RUNX1T1: variants seen among roughly 807,000 people sequenced by gnomAD.
The protein encoded by RUNX1T1 is RUNX1 partner transcriptional co-repressor 1, also known as protein CBFA2T1.
RUNX1T1 carries 4 observed loss-of-function variants against 62.8 expected under a neutral mutation model. That is an observed-to-expected ratio of 0.06 (90% CI 0.03 to 0.15). The LOEUF is 0.15. Ranked by LOEUF, RUNX1T1 falls within the 10% of genes least tolerant of loss-of-function variation. The probability of loss-of-function intolerance (pLI) is 1.00; values close to 1 mark genes in which losing one functional copy is unlikely to be tolerated. For synonymous variants in RUNX1T1, 291 were observed against 286.0 expected (o/e 1.02, Z -0.18); for missense variants, 508 against 754.3 (o/e 0.67, Z 3.82).
At chr8:92,051,331 T>C (rs950812570) in intron 1 of RUNX1T1, among the ~76,000 whole-genome samples, 9 of 152,012 alleles carry the variant, frequency 5.9e-5, no homozygotes, top group Admixed American at 4.6e-4. Flanking sequence ...CCTCGAAAAG[T>C]GTTCAATCTA....
Position 92,005,310 on chromosome 8 carries a change from G to T in RUNX1T1, c.478-13C>A. 1 of 1,608,456 alleles carries T rather than the reference G, an allele frequency of 6.2e-7. No individual in the cohort carries two copies. The highest frequency in any genetic ancestry group is 1.1e-5 in the South Asian group (1 of 90,202). On this transcript the variant is annotated splice_polypyrimidine_tract_variant and intron_variant, in intron 4 of 10. Transcript: ENST00000396218. ...GGGGCAAGTTGGCCTGCAAGGGAAT[G>T]ACAGGAATGAGAGGACGGACTGAAA...
intron 1 of RUNX1T1, among the ~76,000 whole-genome samples, chr8:92,035,885 C>A (rs1827326342): frequency 2.0e-5 from 3 of 152,028 alleles, no homozygotes; most frequent in South Asian, 2.1e-4. Context: ...ATTGGGGAAC[C>A]TAGAACCATA....
chr8:92,017,898 AT>A (rs1823327538), intron 1 of RUNX1T1, among the ~76,000 whole-genome samples: 1 of 152,124 alleles, frequency 6.6e-6, no homozygotes, highest in Non-Finnish European at 1.5e-5. Flanking sequence ...TCGCATTTCA[AT>A]TTTTCCTGCC....
rs186185362 is a variant in RUNX1T1, at chr8:92,047,309, T to C, written c.7+15237A>G. Reference sequence around the variant, plus strand: ...CCGCTTCCCTCATCTCCCTCAAATCTCTGCTCAAAAGTCCCTTCTCAAAGA... The same window carrying C: ...CCGCTTCCCTCATCTCCCTCAAATCCCTGCTCAAAAGTCCCTTCTCAAAGA... On this transcript the variant is annotated intron_variant, in intron 1 of 10. Transcript: ENST00000396218. Among the ~76,000 whole-genome samples the C allele has an allele frequency of 5.3e-4, 81 of 152,090 alleles. 1 individual carries two copies. Among genetic ancestry groups the C allele is most frequent in the African/African-American group, 1.8e-3 (74 of 41,494 alleles).
At chr8:92,025,930 TATG>T (rs1387707899) in intron 1 of RUNX1T1, among the ~76,000 whole-genome samples, 6 of 152,238 alleles carry the variant, frequency 3.9e-5, no homozygotes, top group African/African-American at 1.4e-4. Flanking sequence ...CTTTTTAGTA[TATG>T]ATATTAGAAA....
At chr8:92,017,565 C>T in intron 1 of RUNX1T1, 1 of 1,447,258 alleles carries the variant, frequency 6.9e-7, no homozygotes, top group Non-Finnish European at 9.0e-7. Context: ...GGCAGGACCT[C>T]ATTTGTAACT....
chr8:92,039,857 C>T (rs543630245), intron 1 of RUNX1T1, among the ~76,000 whole-genome samples: 1 of 152,132 alleles, frequency 6.6e-6, no homozygotes, highest in East Asian at 1.9e-4. Flanking sequence ...CCTGTACCTT[C>T]CTCCCTTCCC....
At chr8:92,034,769 T>C (rs1279791706) in intron 1 of RUNX1T1, among the ~76,000 whole-genome samples, 2 of 140,774 alleles carry the variant, frequency 1.4e-5, no homozygotes, top group Non-Finnish European at 3.1e-5. Flanking sequence ...CACATATACA[T>C]ATATATACAC....
At chr8:92,030,464 A>G (rs1826017739) in intron 1 of RUNX1T1, among the ~76,000 whole-genome samples, 1 of 152,194 alleles carries the variant, frequency 6.6e-6, no homozygotes, top group Admixed American at 6.5e-5. Context: ...AGGTAGAGCA[A>G]AACAATTGGA....
intron 1 of RUNX1T1, among the ~76,000 whole-genome samples, chr8:92,034,674 G>C (rs1201625485): frequency 9.1e-6 from 1 of 109,978 alleles, no homozygotes; most frequent in Non-Finnish European, 1.9e-5. Context: ...ATATATATGT[G>C]TGTGTGTGTG....
At chr8:91,972,953 T>C (rs759143009) in intron 9 of RUNX1T1, among the ~76,000 whole-genome samples, 1 of 152,070 alleles carries the variant, frequency 6.6e-6, no homozygotes, top group Non-Finnish European at 1.5e-5. Flanking sequence ...ATTTGTTACT[T>C]TCGCTTTAAA....
intron 8 of RUNX1T1, among the ~76,000 whole-genome samples, chr8:91,985,113 A>G (rs1036769548): frequency 1.4e-4 from 22 of 152,338 alleles, no homozygotes; most frequent in African/African-American, 4.8e-4. Flanking sequence ...GGCCAAAATT[A>G]TGAACTTAAT....
At chr8:92,041,632 C>T (rs1193222587) in intron 1 of RUNX1T1, among the ~76,000 whole-genome samples, 1 of 152,042 alleles carries the variant, frequency 6.6e-6, no homozygotes, top group Non-Finnish European at 1.5e-5. Context: ...ACCCCAGCTA[C>T]TCGGGAGACT....
intron 1 of RUNX1T1, among the ~76,000 whole-genome samples, chr8:92,084,369 T>C (rs1036632826): frequency 2.6e-5 from 4 of 151,956 alleles, no homozygotes; most frequent in Non-Finnish European, 4.4e-5. Flanking sequence ...AGCCAAAATA[T>C]AACAGCAATA....
At chr8:92,018,706 T>C (rs1823499426) in intron 1 of RUNX1T1, among the ~76,000 whole-genome samples, 1 of 152,224 alleles carries the variant, frequency 6.6e-6, no homozygotes, top group Non-Finnish European at 1.5e-5. Context: ...TCACTTTTGT[T>C]CAAAGCAATT....
exon 1 of RUNX1T1, chr8:92,062,674 C>G: frequency 1.9e-6 from 3 of 1,591,492 alleles, no homozygotes; most frequent in Non-Finnish European, 2.6e-6. Context: ...GGGGCTGGGG[C>G]GGCATCGCCG....
At chr8:92,014,282 TACAC>T (rs34477770) in intron 3 of RUNX1T1, among the ~76,000 whole-genome samples, 12 of 149,558 alleles carry the variant, frequency 8.0e-5, no homozygotes, top group South Asian at 4.2e-4. Flanking sequence ...CACGTGCACA[TACAC>T]ACACACACAC....
chr8:92,086,288 A>C (rs1836102608), intron 1 of RUNX1T1, among the ~76,000 whole-genome samples: 2 of 152,218 alleles, frequency 1.3e-5, no homozygotes, highest in Non-Finnish European at 2.9e-5. Context: ...ATTATTTTAC[A>C]AACAAAGTCC....
At chr8:92,095,279 G>GC in intron 1 of RUNX1T1, 7 of 1,515,230 alleles carry the variant, frequency 4.6e-6, no homozygotes, top group Non-Finnish European at 5.3e-6. Flanking sequence ...GCCTCCCCAC[G>GC]CCCCCCTTCC....
Sources: gnomAD v4.1 joint callset for allele counts (sites outside exome capture counted in the v4.1 genomes callset) on GRCh38, gnomAD v4.1.1 for gene constraint, MANE v1.5 for transcripts, NCBI Gene and HGNC (gene_info 2026-07-23, HGNC 2026-07-21) for gene names.